Variants in POLE observed in about 807,000 individuals in gnomAD.
POLE encodes the protein DNA polymerase epsilon, catalytic subunit, also known as DNA polymerase epsilon catalytic subunit A.
In POLE, 188 loss-of-function variants were observed where a neutral mutation model predicts 279.2. The ratio of observed to expected loss-of-function variants is 0.67; its 90% CI spans 0.60 to 0.76. The LOEUF (loss-of-function observed/expected upper bound fraction) is 0.76. POLE is among the 30% of genes least tolerant of loss of function. The pLI is 0.00. For missense variants in POLE, 2,703 were observed against 3,016.7 expected (o/e 0.90, Z 2.44); for synonymous variants, 1,214 against 1,172.5 (o/e 1.04, Z -0.72).
rs5744740 is a variant in POLE at position 132,680,112 on chromosome 12, C to T, written c.330+66G>A. 9,031 of 1,594,184 alleles carry T rather than the reference C, an allele frequency of 5.7e-3. 101 individuals carry two copies. The highest frequency in any genetic ancestry group is 0.039 in the South Asian group (3,534 of 90,594). On this transcript the variant is annotated intron_variant, in intron 4 of 48. Coordinates refer to ENST00000320574, the MANE Select transcript of POLE (RefSeq NM_006231.4). ...TACATTTCCTTCCTTGCCTATTTCC[C>T]AGTTGCAAAGCCCACCACAGAATGA...
chr12:132,656,925 CCCTCA>C (rs1317171069), intron 29 of POLE, among the ~76,000 whole-genome samples: 1 of 152,186 alleles, frequency 6.6e-6, no homozygotes, highest in East Asian at 1.9e-4. Context: ...CAGTTCCTTG[CCCTCA>C]CCTCAGCCTC....
intron 5 of POLE, 62 bp downstream of exon 5, chr12:132,679,892 C>T: frequency 7.9e-7 from 1 of 1,263,528 alleles, no homozygotes; most frequent in East Asian, 2.3e-5. Flanking sequence ...TCCGATCCCA[C>T]CTGCCAGGAA....
intron 16 of POLE, among the ~76,000 whole-genome samples, chr12:132,671,189 G>A (rs543452439): frequency 6.8e-6 from 1 of 146,416 alleles, no homozygotes; most frequent in African/African-American, 2.5e-5. Flanking sequence ...CTTGAACCCA[G>A]GAGGCAAAGG....
In POLE at chr12:132,668,284, G is replaced by A. The variant is rs908519471; in HGVS notation, c.2173+72C>T. 15 of 1,488,452 alleles carry A rather than the reference G, an allele frequency of 1.0e-5. No homozygotes were observed. The highest frequency in any genetic ancestry group is 2.5e-4 in the Middle Eastern group (1 of 3,986). 92.2% of individuals were successfully genotyped at this position (1,488,452 alleles called of 1,614,324 possible). On this transcript the variant is annotated intron_variant, in intron 19 of 48. Coordinates refer to ENST00000320574, the MANE Select transcript of POLE (RefSeq NM_006231.4). The surrounding 1 kb of genome is among the most constrained non-coding windows in gnomAD (Gnocchi z 4.0). ...GGGGCCCCAGCTGGGATGGACCAACGCAGCCCAGTAAGAACAGAAAGTGGG... is the reference window on the plus strand; with the variant it reads ...GGGGCCCCAGCTGGGATGGACCAACACAGCCCAGTAAGAACAGAAAGTGGG...
intron 6 of POLE, among the ~76,000 whole-genome samples, chr12:132,678,442 G>C (rs538091839): frequency 6.6e-6 from 1 of 151,630 alleles, no homozygotes; most frequent in East Asian, 1.9e-4. Context: ...GCCAGGCATG[G>C]GGTACACACC....
At chr12:132,673,764 C>T (rs2136001594) in intron 12 of POLE, 57 bp from the exon 13 acceptor site, 1 of 1,601,828 alleles carries the variant, frequency 6.2e-7, no homozygotes, top group South Asian at 1.1e-5. Flanking sequence ...CCCGGGAACC[C>T]CTGAGAACTG....
intron 4 of POLE, 61 bp downstream of exon 4, chr12:132,680,117 G>A (rs911131518): frequency 6.3e-7 from 1 of 1,594,566 alleles, no homozygotes; most frequent in Non-Finnish European, 8.6e-7. Flanking sequence ...TTTCCCAGTT[G>A]CAAAGCCCAC....
intron 29 of POLE, among the ~76,000 whole-genome samples, chr12:132,652,512 C>T (rs1346454074): frequency 6.6e-5 from 10 of 151,660 alleles, no homozygotes; most frequent in African/African-American, 1.5e-4. Flanking sequence ...TTTGTAGAGA[C>T]GAGACCTCCC....
At chr12:132,666,198 A>G (rs1379460339) in intron 20 of POLE, among the ~76,000 whole-genome samples, 1 of 152,252 alleles carries the variant, frequency 6.6e-6, no homozygotes, top group Non-Finnish European at 1.5e-5. Flanking sequence ...TGTATGAAGG[A>G]TAGACAAAAT....
Position 132,634,408 on chromosome 12 carries a change from T to A in POLE, c.5812-30A>T, listed in dbSNP as rs370858885. The stretch of plus-strand genomic sequence containing the variant: ...AACACATGAGACAACGCGGCTGTGT[T>A]TGCACCATCGCGGCCTGGTAGAGGG... On this transcript the variant is annotated intron_variant, in intron 42 of 48. Transcript: ENST00000320574. The surrounding 1 kb of genome is among the most constrained non-coding windows in gnomAD (Gnocchi z 4.0). The A allele has an allele frequency of 4.4e-6, 7 of 1,597,674 alleles. No homozygotes were observed. Among genetic ancestry groups the A allele is most frequent in the African/African-American group, 1.3e-5 (1 of 74,668 alleles).
chr12:132,673,117 G>T (rs1212456026), intron 14 of POLE, 47 bp downstream of exon 14: 3 of 1,237,380 alleles, frequency 2.4e-6, no homozygotes, highest in Admixed American at 3.4e-5. Flanking sequence ...TTGGAATGGG[G>T]CAAGGGCTGA....
Position 132,659,481 on chromosome 12 carries a change from A to G in POLE, c.3089T>C (p.Phe1030Ser). The change falls in exon 26 of 49, where the codon TTC becomes TCC. Residue 1030 changes from phenylalanine (F) to serine (S), a missense_variant. Phe to Ser is a radical substitution (Grantham distance 155, BLOSUM62 -2). Around this residue, in one of 5 missense-constraint regions of POLE, gnomAD observed 1,551 missense variants for 1,686.1 expected, o/e 0.92. Coordinates refer to ENST00000320574, the MANE Select transcript of POLE (RefSeq NM_006231.4). ...GGAACGGTTCTCAGAGATGAGCTCG[A>G]ATAGCTCAGAGTCAGGCATGTTGGC... The part of the protein sequence containing the change: ...KAANMPDSEL[F>S]ELISENRSMS... 1 of 1,614,156 alleles carries G rather than the reference A, an allele frequency of 6.2e-7. No individual in the cohort carries two copies. The highest frequency in any genetic ancestry group is 8.5e-7 in the Non-Finnish European group (1 of 1,180,012).
intron 8 of POLE, 50 bp downstream of exon 8, chr12:132,677,313 C>T (rs1463723476): frequency 2.2e-6 from 3 of 1,333,756 alleles, no homozygotes; most frequent in Admixed American, 1.7e-5. Context: ...AGAATATTCT[C>T]TCCAGAAAAC....
chr12:132,625,803 CCCAGCCTCCAGA>C (rs1338706439), intron 46 of POLE, 33 bp from the exon 47 acceptor site: 1 of 1,600,820 alleles, frequency 6.2e-7, no homozygotes, highest in African/African-American at 1.3e-5. Context: ...AGGTCACCAG[CCCAGCCTCCAGA>C]CCACAGTGCC....
At chr12:132,663,958 G>A in intron 23 of POLE, 46 bp downstream of exon 23, 3 of 1,610,474 alleles carry the variant, frequency 1.9e-6, no homozygotes, top group Non-Finnish European at 2.5e-6. Flanking sequence ...TCAGGGCACT[G>A]ACGCCAGGCC....
At chr12:132,644,081 C>A in intron 32 of POLE, 104 bp from the exon 33 acceptor site, 1 of 1,269,912 alleles carries the variant, frequency 7.9e-7, no homozygotes, top group Non-Finnish European at 1.1e-6. Flanking sequence ...TCTGGTGCCC[C>A]TAGCGACGGG....
chr12:132,677,738 G>T lies in POLE; in HGVS notation c.579-19C>A. The stretch of plus-strand genomic sequence containing the variant: ...CAGAACACTAGGAATTAACAAGAGA[G>T]CAACTAACTCAGCTGCCAGGGTCTG... On this transcript the variant is annotated intron_variant, in intron 6 of 48. Coordinates refer to ENST00000320574, the MANE Select transcript of POLE (RefSeq NM_006231.4). 6.2e-7 allele frequency: 1 copy of T among 1,611,994 alleles called. No individual in the cohort carries two copies. Among genetic ancestry groups the T allele is most frequent in the Non-Finnish European group, 8.5e-7 (1 of 1,178,658 alleles).
rs138789360 is a variant in POLE at position 132,626,194 on chromosome 12, C to A, written c.6454G>T (p.Val2152Leu). The A allele has an allele frequency of 6.2e-7, 1 of 1,613,618 alleles. No individual in the cohort carries two copies. The highest frequency in any genetic ancestry group is 1.7e-4 in the Middle Eastern group (1 of 6,036). The change falls in exon 46 of 49, where the codon GTG becomes TTG. Residue 2152 changes from valine to leucine, a missense_variant. Transcript: ENST00000320574. ...AQFRDPCRSY[V>L]LPEVICRSCN... ...CTGCGGCAGATGACCTCAGGAAGCA[C>A]GTAGGAGCGGCAGGGGTCTCGGAAC... is the stretch of plus-strand genomic sequence containing the variant.
Position 132,673,240 on chromosome 12 carries a change from G to A in POLE, c.1397C>T (p.Thr466Ile). 6.2e-7 allele frequency: 1 copy of A among 1,613,582 alleles called. No homozygotes were observed. The highest frequency in any genetic ancestry group is 8.5e-7 in the Non-Finnish European group (1 of 1,179,428). The change falls in exon 14 of 49, where the codon ACT becomes ATT. Residue 466 changes from threonine to isoleucine, a missense_variant. Coordinates refer to ENST00000320574, the MANE Select transcript of POLE (RefSeq NM_006231.4). ...GACGTACTTCATGTACAGGTAGTAA[G>A]TGGCGACAGCATCTGACACAGAATA... Reference protein sequence around the residue: ...ATYSVSDAVATYYLYMKYVHP... With the variant: ...ATYSVSDAVAIYYLYMKYVHP...
Sources: allele counts gnomAD v4.1 joint callset (sites outside exome capture counted in the v4.1 genomes callset), GRCh38; gene constraint gnomAD v4.1.1; regional missense constraint gnomAD v4.1.1; non-coding constraint Gnocchi (gnomAD v3.1); transcripts MANE v1.5; gene names NCBI Gene and HGNC (gene_info 2026-07-23, HGNC 2026-07-21).